The following HSPBP1 variants were observed in gnomAD, a reference collection of about 807,000 sequenced individuals.
HSPBP1 encodes the protein hsp70-binding protein 1.
HSPBP1 carries 31 observed loss-of-function variants against 41.7 expected under a neutral mutation model. That is an observed-to-expected ratio of 0.74 (90% CI 0.56 to 1.00). The LOEUF (loss-of-function observed/expected upper bound fraction) is 1.00. HSPBP1 is among the 50% of genes least tolerant of loss of function. HSPBP1 has a pLI of 0.00. For missense variants in HSPBP1, 439 were observed against 487.9 expected (o/e 0.90, Z 0.94); for synonymous variants, 199 against 214.4 (o/e 0.93, Z 0.63).
chr19:55,262,662 T>G lies in HSPBP1; in HGVS notation c.1026A>C (p.Glu342Asp). ...TGGAGAAACAGGTCTGTAGCAGCTT[T>G]TCACAGAACTCCAGCTCCTCCTGGA... ...EEYQEELEFCEKLLQTCFSSP... is the reference protein window; with the variant it reads ...EEYQEELEFCDKLLQTCFSSP... Residue 342 changes from glutamate (E) to aspartate (D), a missense_variant, in exon 8 of 8, where the codon GAA becomes GAC. Glu to Asp is a conservative substitution (Grantham distance 45). Transcript: ENST00000433386. The G allele has an allele frequency of 1.2e-6, 2 of 1,613,692 alleles. No individual in the cohort carries two copies. Among genetic ancestry groups the G allele is most frequent in the South Asian group, 1.1e-5 (1 of 90,972 alleles).
At chr19:55,265,574 G>A (rs967208548) in intron 6 of HSPBP1, among the ~76,000 whole-genome samples, 185 bp from the exon 7 acceptor site, 1 of 152,034 alleles carries the variant, frequency 6.6e-6, no homozygotes, top group African/African-American at 2.4e-5. Flanking sequence ...GGGTGCTGAG[G>A]GGCTCAGCAC....
chr19:55,274,347 A>ACCCCCCCCCCC lies in HSPBP1; in HGVS notation c.640+50_640+51insGGGGGGGGGGG, dbSNP rs11427517. The ACCCCCCCCCCC allele has an allele frequency of 2.6e-4, 84 of 328,002 alleles. 4 individuals carry two copies. Among genetic ancestry groups the ACCCCCCCCCCC allele is most frequent in the East Asian group, 7.2e-4 (14 of 19,374 alleles). The allele number at this position is 328,002 out of a possible 1,614,324, so 20.3% of individuals were successfully genotyped here. On this transcript the variant is annotated intron_variant, in intron 4 of 7. Transcript: ENST00000433386. ...AGCAGATCCCGGGGGCCCACCCGGC[A>ACCCCCCCCCCC]CCCCCCCCCACCGCCAGCACCCCTG...
chr19:55,274,261 G>A (rs553032443), intron 4 of HSPBP1, 137 bp downstream of exon 4: 33 of 855,300 alleles, frequency 3.9e-5, no homozygotes, highest in Admixed American at 9.7e-5. Context: ...GCACTCAGCC[G>A]TGCAGGGGTC....
intron 2 of HSPBP1, 88 bp from the exon 3 acceptor site, chr19:55,277,934 A>C (rs1038391025): frequency 9.4e-7 from 1 of 1,068,456 alleles, no homozygotes; most frequent in Non-Finnish European, 1.3e-6. Flanking sequence ...CCAACAACTG[A>C]GGGCTGATGT....
intron 4 of HSPBP1, among the ~76,000 whole-genome samples, chr19:55,271,698 A>T (rs1415090675): frequency 6.6e-6 from 1 of 152,174 alleles, no homozygotes; most frequent in Non-Finnish European, 1.5e-5. Context: ...TGAGGGAGAG[A>T]AAGAGGGTGT....
At chr19:55,265,830 C>T in intron 6 of HSPBP1, 56 bp downstream of exon 6, 5 of 1,224,102 alleles carry the variant, frequency 4.1e-6, no homozygotes, top group Non-Finnish European at 5.7e-6. Context: ...GCCACCCCCA[C>T]CTTGAGAGGA....
At position 55,272,795 on chromosome 19, in the gene HSPBP1, G is replaced by A. The variant is rs896529306; in HGVS notation, c.640+1603C>T. 9.2e-5 allele frequency among the ~76,000 whole-genome samples: 14 copies of A among 151,378 alleles called. No homozygotes were observed. The highest frequency in any genetic ancestry group is 2.7e-4 in the African/African-American group (11 of 41,152). On this transcript the variant is annotated intron_variant, in intron 4 of 7. Coordinates refer to ENST00000433386, the MANE Select transcript of HSPBP1 (RefSeq NM_012267.5). This position sits in a 1 kb window ranked among gnomAD's most constrained non-coding sequence, Gnocchi z 4.2. ...GGAGGTTGTAGTGAGCCGAGATCGCGCCATTGCGCTCCAGCCTGGGTGACA... is the reference window on the plus strand; with the variant it reads ...GGAGGTTGTAGTGAGCCGAGATCGCACCATTGCGCTCCAGCCTGGGTGACA...
intron 2 of HSPBP1, among the ~76,000 whole-genome samples, chr19:55,278,966 G>T (rs1164481534): frequency 6.9e-6 from 1 of 145,234 alleles, no homozygotes; most frequent in Non-Finnish European, 1.5e-5. Context: ...CAGAGCCTGT[G>T]CTCTTCATGA....
At chr19:55,269,479 G>A (rs912522053) in intron 4 of HSPBP1, among the ~76,000 whole-genome samples, 1 of 152,018 alleles carries the variant, frequency 6.6e-6, no homozygotes, top group African/African-American at 2.4e-5. Flanking sequence ...GTCATTTTTG[G>A]AAAGAAAGCC....
At chr19:55,266,660 T>C (rs1020803084) in intron 4 of HSPBP1, among the ~76,000 whole-genome samples, 1 of 150,794 alleles carries the variant, frequency 6.6e-6, no homozygotes, top group Non-Finnish European at 1.5e-5. Context: ...ATCGTCACCA[T>C]CATCACCACC....
In HSPBP1 at chr19:55,268,872, T is replaced by C. The variant is rs1470396938; in HGVS notation, c.641-2586A>G. Reference sequence around the variant, plus strand: ...TTTTAGTAGAGACAGGGTGTCACCATGTTGGCCAGGCTGGTCTTGAGCTCC... The same window carrying C: ...TTTTAGTAGAGACAGGGTGTCACCACGTTGGCCAGGCTGGTCTTGAGCTCC... On this transcript the variant is annotated intron_variant, in intron 4 of 7. Coordinates refer to ENST00000433386, the MANE Select transcript of HSPBP1 (RefSeq NM_012267.5). This position sits in a 1 kb window ranked among gnomAD's most constrained non-coding sequence, Gnocchi z 4.5. Among the ~76,000 whole-genome samples the C allele has an allele frequency of 3.3e-5, 5 of 152,110 alleles. No individual in the cohort carries two copies. Among genetic ancestry groups the C allele is most frequent in the African/African-American group, 1.2e-4 (5 of 41,404 alleles).
rs114977296 is a variant in HSPBP1, at chr19:55,270,116, A to C, written c.641-3830T>G. On this transcript the variant is annotated intron_variant, in intron 4 of 7. Transcript: ENST00000433386. The surrounding 1 kb of genome is among the most constrained non-coding windows in gnomAD (Gnocchi z 5.4). ...GGCATACCCTGCAGCCACCAAAAAA[A>C]AGGACAGATGCCACTGAATGGTATA... 8.6e-3 allele frequency among the ~76,000 whole-genome samples: 1,307 copies of C among 152,332 alleles called. 26 individuals are homozygous for C. The highest frequency in any genetic ancestry group is 0.03 in the African/African-American group (1,248 of 41,574).
At chr19:55,278,811 C>T (rs923993356) in intron 2 of HSPBP1, among the ~76,000 whole-genome samples, 10 of 151,818 alleles carry the variant, frequency 6.6e-5, no homozygotes, top group African/African-American at 1.7e-4. Context: ...CTACTGGGGA[C>T]GCTGAGGCAT....
intron 4 of HSPBP1, among the ~76,000 whole-genome samples, chr19:55,269,856 TG>T (rs1409129045): frequency 2.0e-5 from 3 of 152,160 alleles, no homozygotes; most frequent in Admixed American, 1.3e-4. Flanking sequence ...CTATGGACTC[TG>T]GGTGACAATG....
intron 3 of HSPBP1, among the ~76,000 whole-genome samples, chr19:55,276,189 A>G (rs1206379223): frequency 6.6e-6 from 1 of 151,470 alleles, no homozygotes; most frequent in Admixed American, 6.6e-5. Context: ...TCAGCCAGAC[A>G]CAAAAGGTCA....
Position 55,279,536 on chromosome 19 carries a change from C to CCG in HSPBP1, c.72_73insCG (p.Gly25ArgfsTer44). 1 of 1,611,444 alleles carries CCG rather than the reference C, an allele frequency of 6.2e-7. No homozygotes were observed. On this transcript the variant is annotated frameshift_variant, in exon 2 of 8. Transcript: ENST00000433386. LOFTEE classifies it high-confidence loss of function. The stretch of plus-strand genomic sequence containing the variant: ...GCCGAGGAGCCGCCGCCGCCGCCCC[C>CCG]TGAAGAGCAACCCTGGGAGGCCGGG...
In HSPBP1 at chr19:55,277,769, G is replaced by T; in HGVS notation, c.288C>A (p.Cys96Ter). The change falls in exon 3 of 8, where the codon TGC (cysteine) becomes TGA (stop). Residue 96 changes from cysteine to a stop codon, truncating the protein, a stop_gained. Coordinates refer to ENST00000433386, the MANE Select transcript of HSPBP1 (RefSeq NM_012267.5). LOFTEE classifies it high-confidence loss of function. ...QREEVEQMKSCLRVLSQPMPP... is the reference protein window; with the variant it reads ...QREEVEQMKS ...GCATGGGCTGTGACAGCACTCGGAG[G>T]CAGCTCTTCATCTGCTCCACCTCCT... 6.2e-7 allele frequency: 1 copy of T among 1,606,576 alleles called. No individual in the cohort carries two copies. The highest frequency in any genetic ancestry group is 8.5e-7 in the Non-Finnish European group (1 of 1,176,158).
At chr19:55,275,725 G>A (rs1184868889) in intron 3 of HSPBP1, among the ~76,000 whole-genome samples, 1 of 151,930 alleles carries the variant, frequency 6.6e-6, no homozygotes, top group Admixed American at 6.6e-5. Flanking sequence ...CAAGGTGGGT[G>A]GATCACGAGG....
Position 55,272,349 on chromosome 19 carries a change from C to T in HSPBP1, c.640+2049G>A, listed in dbSNP as rs1028460761. Among the ~76,000 whole-genome samples, 1 of 152,116 alleles carries T rather than the reference C, an allele frequency of 6.6e-6. No homozygotes were observed. Among genetic ancestry groups the T allele is most frequent in the African/African-American group, 2.4e-5 (1 of 41,430 alleles). ...CACAGCACTGCCACCCGCCACCACT[C>T]GGGGACCTTGCAGCATATGAAAGGA... On this transcript the variant is annotated intron_variant, in intron 4 of 7. Transcript: ENST00000433386. The surrounding 1 kb of genome is among the most constrained non-coding windows in gnomAD (Gnocchi z 4.2).
Sources: gnomAD v4.1 joint callset for allele counts (sites outside exome capture counted in the v4.1 genomes callset) on GRCh38, gnomAD v4.1.1 for gene constraint, Gnocchi (gnomAD v3.1) non-coding constraint, MANE v1.5 for transcripts, NCBI Gene and HGNC (gene_info 2026-07-23, HGNC 2026-07-21) for gene names.